SRPK2: variants seen among roughly 807,000 people sequenced by gnomAD.
SRPK2 encodes the protein SRSF protein kinase 2.
In SRPK2, 21 loss-of-function variants were observed where a neutral mutation model predicts 90.8. The ratio of observed to expected loss-of-function variants is 0.23; its 90% confidence interval spans 0.16 to 0.33. The LOEUF (loss-of-function observed/expected upper bound fraction) is 0.33. Ranked by LOEUF, SRPK2 falls within the 10% of genes least tolerant of loss-of-function variation. SRPK2 has a pLI of 1.00. For missense variants in SRPK2, 620 were observed against 869.0 expected, an observed-to-expected ratio of 0.71 and a Z score of 3.60; for synonymous variants, 288 against 311.1, an observed-to-expected ratio of 0.93 and a Z score of 0.78.
intron 2 of SRPK2, among the ~76,000 whole-genome samples, chr7:105,370,441 A>C (rs1470396189): frequency 2.0e-5 from 3 of 152,132 alleles, no homozygotes; most frequent in Non-Finnish European, 4.4e-5. Flanking sequence ...AATGCATTCA[A>C]TCATGTCATC....
intron 2 of SRPK2, among the ~76,000 whole-genome samples, chr7:105,248,888 T>C (rs548432229): frequency 1.3e-5 from 2 of 150,616 alleles, no homozygotes; most frequent in South Asian, 4.2e-4. Context: ...ATCGTGCCAC[T>C]GCACTCCAGC....
chr7:105,317,060 A>C (rs981014705), intron 2 of SRPK2, among the ~76,000 whole-genome samples: 1 of 152,210 alleles, frequency 6.6e-6, no homozygotes, highest in African/African-American at 2.4e-5. Context: ...TCCCAGTGTT[A>C]ATGTTTATAC....
Position 105,223,546 on chromosome 7 carries a change from T to G in SRPK2, c.72-19761A>C, listed in dbSNP as rs1484404762. On this transcript the variant is annotated intron_variant, in intron 2 of 15. Coordinates refer to ENST00000393651, the MANE Select transcript of SRPK2 (RefSeq NM_182692.3). The stretch of plus-strand genomic sequence containing the variant: ...TTTCTTTCAACAATCATCTCAAACC[T>G]TATTGACTCCCTGTGAATTGTCTAT... 2.6e-5 allele frequency among the ~76,000 whole-genome samples: 4 copies of G among 152,328 alleles called. No homozygotes were observed. The East Asian group carries it at 7.7e-4, about 29-fold the overall frequency.
rs1426305233 is a variant in SRPK2 at position 105,170,967 on chromosome 7, GAGAAAGAAAGAGAA to G, written c.230-1716_230-1703del. Among the ~76,000 whole-genome samples the G allele has an allele frequency of 1.2e-4, 9 of 74,462 alleles. 1 individual carries two copies. Among genetic ancestry groups the G allele is most frequent in the African/African-American group, 4.3e-4 (8 of 18,548 alleles). 48.8% of individuals were successfully genotyped at this position (74,462 alleles called of 152,430 possible). ...AGAAAGAAAGAAAGAAAGAAAGAAAGAGAAAGAAAGAGAAAGAAAGAAAGAAAGAGAAAGAAAGA... is the reference window on the plus strand; with the variant it reads ...AGAAAGAAAGAAAGAAAGAAAGAAAGAGAAAGAAAGAAAGAGAAAGAAAGA... On this transcript the variant is annotated intron_variant, in intron 3 of 15. Transcript: ENST00000393651.
chr7:105,239,083 G>T (rs1800488219), intron 2 of SRPK2, among the ~76,000 whole-genome samples: 1 of 152,158 alleles, frequency 6.6e-6, no homozygotes, highest in South Asian at 2.1e-4. Context: ...GCCATCCCTG[G>T]CAAACCAGAG....
rs1801195621 is a variant in SRPK2 at position 105,126,299 on chromosome 7, T to C, written c.1864A>G (p.Arg622Gly). 7 of 1,613,934 alleles carry C rather than the reference T, an allele frequency of 4.3e-6. No homozygotes were observed. Among genetic ancestry groups the C allele is most frequent in the Non-Finnish European group, 4.2e-6 (5 of 1,179,996 alleles). Reference sequence around the variant, plus strand: ...TATTTTCCAGATAGAGCAAAGTGCCTTGGAATACTGCCTAGCAGCTCTATG... The same window carrying C: ...TATTTTCCAGATAGAGCAAAGTGCCCTGGAATACTGCCTAGCAGCTCTATG... The part of the protein sequence containing the change: ...HIIELLGSIP[R>G]HFALSGKYSR... The change falls in exon 15 of 16, where the codon AGG (arginine) becomes GGG (glycine). Residue 622 changes from arginine (R) to glycine (G), a missense_variant. Physicochemically the swap from Arg to Gly is moderately radical, Grantham distance 125. Transcript: ENST00000393651.
chr7:105,182,147 C>T (rs542654549), intron 3 of SRPK2, among the ~76,000 whole-genome samples: 96 of 147,348 alleles, frequency 6.5e-4, no homozygotes, highest in African/African-American at 2.3e-3. Flanking sequence ...AGGAGAATCG[C>T]TTGAACCCAG....
intron 2 of SRPK2, among the ~76,000 whole-genome samples, chr7:105,330,380 AAAAAT>A (rs1814167635): frequency 6.6e-6 from 1 of 151,582 alleles, no homozygotes; most frequent in South Asian, 2.1e-4. Context: ...TATAAAAAAT[AAAAAT>A]AAAATAAAAC....
chr7:105,278,681 G>A (rs1806847805), intron 2 of SRPK2, among the ~76,000 whole-genome samples: 1 of 150,802 alleles, frequency 6.6e-6, no homozygotes, highest in African/African-American at 2.4e-5. Flanking sequence ...GCCAGACTCC[G>A]TGAAGAAGGA....
intron 2 of SRPK2, among the ~76,000 whole-genome samples, chr7:105,381,995 C>G (rs982323864): frequency 6.6e-6 from 1 of 151,956 alleles, no homozygotes; most frequent in African/African-American, 2.4e-5. Context: ...TGGTGAAACC[C>G]CATCTCTACT....
At chr7:105,185,417 C>A (rs1793452661) in intron 3 of SRPK2, among the ~76,000 whole-genome samples, 1 of 152,042 alleles carries the variant, frequency 6.6e-6, no homozygotes, top group Non-Finnish European at 1.5e-5. Flanking sequence ...AAATTAAGTT[C>A]CTTCCAAAGG....
intron 2 of SRPK2, chr7:105,204,862 G>C (rs1795997091): frequency 2.2e-6 from 1 of 449,862 alleles, no homozygotes; most frequent in Admixed American, 3.0e-5. Context: ...CTAAGCCCTA[G>C]TTGTTGAGAG....
chr7:105,364,405 G>GAGTTTTTTTTTTTTT lies in SRPK2; in HGVS notation c.71+24242_71+24243insAAAAAAAAAAAAACT, dbSNP rs572930883. On this transcript the variant is annotated intron_variant, in intron 2 of 15. Coordinates refer to ENST00000393651, the MANE Select transcript of SRPK2 (RefSeq NM_182692.3). ...CTTTCCATAGCATACCGTGTGTAAC[G>GAGTTTTTTTTTTTTT]TTTTTTTTTTTTTGAGAAGGAGTCT... Among the ~76,000 whole-genome samples the GAGTTTTTTTTTTTTT allele has an allele frequency of 1.6e-3, 214 of 133,872 alleles. 8 individuals are homozygous for GAGTTTTTTTTTTTTT. The East Asian group carries it at 0.038, about 24-fold the overall frequency. The allele number at this position is 133,872 out of a possible 152,430, so 87.8% of individuals were successfully genotyped here.
chr7:105,289,048 A>G (rs1808574167), intron 2 of SRPK2, among the ~76,000 whole-genome samples: 1 of 149,822 alleles, frequency 6.7e-6, no homozygotes, highest in Non-Finnish European at 1.5e-5. Context: ...CAAGGTCAGG[A>G]GATCGAGACC....
rs373017445 is a variant in SRPK2, at chr7:105,117,789, A to G, written c.*49T>C. On this transcript the variant is annotated 3_prime_UTR_variant, in exon 16 of 16. Transcript: ENST00000393651. ...GAATGAGAGTCACCGTTTAGGTCCA[A>G]TGTACTGGGAACATTTGCTAGCTCA... 2 of 1,590,920 alleles carry G rather than the reference A, an allele frequency of 1.3e-6. No homozygotes were observed. Among genetic ancestry groups the G allele is most frequent in the African/African-American group, 1.3e-5 (1 of 74,280 alleles).
At chr7:105,354,897 T>C (rs572333043) in intron 2 of SRPK2, among the ~76,000 whole-genome samples, 7 of 152,100 alleles carry the variant, frequency 4.6e-5, no homozygotes, top group South Asian at 2.1e-4. Flanking sequence ...ACGCCCCATA[T>C]TTCCCCCTCC....
intron 2 of SRPK2, among the ~76,000 whole-genome samples, chr7:105,214,680 G>A (rs1472959796): frequency 6.6e-6 from 1 of 152,150 alleles, no homozygotes; most frequent in Non-Finnish European, 1.5e-5. Flanking sequence ...TATGAAAACT[G>A]CAATATCTTG....
intron 2 of SRPK2, among the ~76,000 whole-genome samples, chr7:105,240,522 G>C (rs879914551): frequency 2.0e-5 from 3 of 151,946 alleles, no homozygotes; most frequent in Admixed American, 1.3e-4. Flanking sequence ...GAAATCATGT[G>C]ATTTATTATG....
intron 7 of SRPK2, among the ~76,000 whole-genome samples, chr7:105,158,502 C>T (rs906136238): frequency 1.3e-5 from 2 of 152,170 alleles, no homozygotes; most frequent in African/African-American, 4.8e-5. Context: ...ATCCACCCGC[C>T]TTGGCCGCCC....
Sources: gnomAD v4.1 joint callset for allele counts (sites outside exome capture counted in the v4.1 genomes callset) on GRCh38, gnomAD v4.1.1 for gene constraint, MANE v1.5 for transcripts, NCBI Gene and HGNC (gene_info 2026-07-23, HGNC 2026-07-21) for gene names.